PARPBP: variants seen among roughly 807,000 people sequenced by gnomAD.
PARPBP encodes the protein PARP1 binding protein, also known as PCNA-interacting partner.
In PARPBP, 52 loss-of-function variants were observed where a neutral mutation model predicts 50.0. The ratio of observed to expected loss-of-function variants is 1.04; its 90% CI spans 0.83 to 1.31. The LOEUF (loss-of-function observed/expected upper bound fraction) is 1.31, where lower values mean the gene tolerates loss of function less well. Among genes scored for constraint, PARPBP ranks in the 50% most tolerant of loss-of-function variants. The pLI is 0.00. For missense variants in PARPBP, 697 were observed against 672.0 expected, an observed-to-expected ratio of 1.04 and a Z score of -0.41; for synonymous variants, 244 against 232.1, an observed-to-expected ratio of 1.05 and a Z score of -0.47.
intron 2 of PARPBP, among the ~76,000 whole-genome samples, chr12:102,131,912 T>C (rs1882912499): frequency 6.6e-6 from 1 of 151,990 alleles, no homozygotes; most frequent in Non-Finnish European, 1.5e-5. Context: ...GGTGACAAAA[T>C]AATCTGTACA....
chr12:102,129,457 A>T (rs1415820335), intron 2 of PARPBP, among the ~76,000 whole-genome samples: 1 of 152,082 alleles, frequency 6.6e-6, no homozygotes, highest in Non-Finnish European at 1.5e-5. Flanking sequence ...TTTTAGTTTG[A>T]TATAATCCCA....
chr12:102,143,172 A>G (rs978878560), intron 2 of PARPBP, among the ~76,000 whole-genome samples: 2 of 152,114 alleles, frequency 1.3e-5, no homozygotes, highest in African/African-American at 4.8e-5. Flanking sequence ...TTGTTTACCT[A>G]CTGAAGCCTC....
chr12:102,131,688 A>G (rs1882880771), intron 2 of PARPBP, among the ~76,000 whole-genome samples: 1 of 152,226 alleles, frequency 6.6e-6, no homozygotes, highest in African/African-American at 2.4e-5. Flanking sequence ...TGTCCTTTGC[A>G]GGAAAAGGAA....
At position 102,151,520 on chromosome 12, in the gene PARPBP, G is replaced by A. The variant is rs146862598; in HGVS notation, c.388-2349G>A. On this transcript the variant is annotated intron_variant, in intron 3 of 10. Transcript: ENST00000327680. Reference sequence around the variant, plus strand: ...CATCAGTGAATGGGGTCCTTTGGGTGGGTCCCTGATGCCTGCACACTTTTT... The same window carrying A: ...CATCAGTGAATGGGGTCCTTTGGGTAGGTCCCTGATGCCTGCACACTTTTT... The A allele has an allele frequency of 4.5e-4, 593 of 1,312,192 alleles. 6 individuals carry two copies. In the East Asian group the frequency reaches 0.013, roughly 29 times the overall value. The allele number at this position is 1,312,192 out of a possible 1,614,324, so 81.3% of individuals were successfully genotyped here. A position where few individuals can be genotyped will look rare whatever the true frequency, so the allele number is the denominator to read the frequency against.
intron 2 of PARPBP, among the ~76,000 whole-genome samples, chr12:102,128,342 C>T (rs887760807): frequency 6.6e-6 from 1 of 152,178 alleles, no homozygotes; most frequent in African/African-American, 2.4e-5. Context: ...CGCCATTTTT[C>T]TGCCTCTGCC....
chr12:102,125,453 T>A (rs1002870054), intron 2 of PARPBP, among the ~76,000 whole-genome samples: 1 of 152,036 alleles, frequency 6.6e-6, no homozygotes, highest in Non-Finnish European at 1.5e-5. Flanking sequence ...AGCAAAGATT[T>A]GAAACAGGGG....
chr12:102,160,736 G>A (rs958414019), intron 4 of PARPBP, among the ~76,000 whole-genome samples: 1 of 152,012 alleles, frequency 6.6e-6, no homozygotes, highest in African/African-American at 2.4e-5. Flanking sequence ...ATCACCTGAG[G>A]TTAGGAGTTT....
chr12:102,130,201 T>G (rs1404482975), intron 2 of PARPBP, among the ~76,000 whole-genome samples: 2 of 152,186 alleles, frequency 1.3e-5, no homozygotes, highest in African/African-American at 4.8e-5. Flanking sequence ...TGCAGAAGAT[T>G]GAAACCGGAC....
At chr12:102,134,378 C>T (rs572714669) in intron 2 of PARPBP, among the ~76,000 whole-genome samples, 2 of 152,122 alleles carry the variant, frequency 1.3e-5, no homozygotes, top group Admixed American at 6.5e-5. Flanking sequence ...TTCCTTGACA[C>T]GTACTATCTA....
chr12:102,130,963 C>G (rs1285018741), intron 2 of PARPBP, among the ~76,000 whole-genome samples: 1 of 152,066 alleles, frequency 6.6e-6, no homozygotes, highest in Non-Finnish European at 1.5e-5. Flanking sequence ...AGCTCAACAT[C>G]ACTGATCATT....
At chr12:102,170,905 CTT>C (rs56390964) in intron 6 of PARPBP, among the ~76,000 whole-genome samples, 3,037 of 113,308 alleles carry the variant, frequency 0.027, 39 homozygotes, top group African/African-American at 0.08. Flanking sequence ...TTTAATTTTT[CTT>C]TTTTTTTTTT....
intron 6 of PARPBP, among the ~76,000 whole-genome samples, chr12:102,173,483 G>A (rs181838496): frequency 1.1e-3 from 164 of 152,122 alleles, no homozygotes; most frequent in Non-Finnish European, 2.0e-3. Flanking sequence ...AAAACTCCAA[G>A]AATGTAAAGG....
intron 4 of PARPBP, among the ~76,000 whole-genome samples, chr12:102,160,569 G>C (rs1887455951): frequency 6.6e-6 from 1 of 152,228 alleles, no homozygotes; most frequent in African/African-American, 2.4e-5. Context: ...ATTGCACTGT[G>C]AAGTTAAAAT....
At chr12:102,193,873 T>C (rs1891024977) in intron 9 of PARPBP, among the ~76,000 whole-genome samples, 1 of 152,014 alleles carries the variant, frequency 6.6e-6, no homozygotes, top group Admixed American at 6.6e-5. Context: ...TGTTCAACTT[T>C]TAAAAAAATA....
At chr12:102,127,485 G>T (rs7963649) in intron 2 of PARPBP, among the ~76,000 whole-genome samples, 58,280 of 151,922 alleles carry the variant, frequency 0.38, 11,763 homozygotes, top group African/African-American at 0.52. Flanking sequence ...AGATGTCAGA[G>T]TTTATTAGAA....
chr12:102,178,665 T>A lies in PARPBP; in HGVS notation c.1079T>A (p.Leu360Ter). Residue 360 changes from leucine to a stop codon, truncating the protein, a stop_gained, in exon 8 of 11, where the codon TTG (leucine) becomes TAG (stop). Coordinates refer to ENST00000327680, the MANE Select transcript of PARPBP (RefSeq NM_017915.5). LOFTEE classifies it high-confidence loss of function. Reference protein sequence around the residue: ...RDTVKALLVLLDEEAANAPTK... With the variant: ...RDTVKALLVL ...ACTGTGAAAGCCTTATTAGTTCTTTTGGACGAAGAAGCAGCTAATGCTCCT... is the reference window on the plus strand; with the variant it reads ...ACTGTGAAAGCCTTATTAGTTCTTTAGGACGAAGAAGCAGCTAATGCTCCT... 6.2e-7 allele frequency: 1 copy of A among 1,613,680 alleles called. No homozygotes were observed. Among genetic ancestry groups the A allele is most frequent in the Non-Finnish European group, 8.5e-7 (1 of 1,179,686 alleles).
At chr12:102,173,238 A>G (rs1888928800) in intron 6 of PARPBP, among the ~76,000 whole-genome samples, 1 of 152,196 alleles carries the variant, frequency 6.6e-6, no homozygotes. Flanking sequence ...CCTCAGTGTA[A>G]AAATAAACTA....
At chr12:102,156,176 CTTTTTT>C (rs869213784) in intron 4 of PARPBP, among the ~76,000 whole-genome samples, 157 of 66,160 alleles carry the variant, frequency 2.4e-3, no homozygotes, top group African/African-American at 0.01. Context: ...ATTAACCTTC[CTTTTTT>C]TTTTTTTTTT....
chr12:102,124,119 T>A, intron 2 of PARPBP, 78 bp downstream of exon 2: 1 of 953,224 alleles, frequency 1.0e-6, no homozygotes, highest in Non-Finnish European at 1.6e-6. Context: ...AACTTAAGCT[T>A]AAGAATATTA....
Sources: gnomAD v4.1 joint callset for allele counts (sites outside exome capture counted in the v4.1 genomes callset) on GRCh38, gnomAD v4.1.1 for gene constraint, MANE v1.5 for transcripts, NCBI Gene and HGNC (gene_info 2026-07-23, HGNC 2026-07-21) for gene names.